Variants in SMAP1 observed in about 807,000 individuals in gnomAD.
SMAP1 encodes the protein small ArfGAP 1, also known as stromal membrane-associated protein 1.
SMAP1 carries 24 observed loss-of-function variants against 58.5 expected under a neutral mutation model. The observed-to-expected ratio is 0.41, with a 90% CI of 0.30 to 0.58. SMAP1 has a LOEUF of 0.58. SMAP1 is among the 20% of genes least tolerant of loss of function. The probability of loss-of-function intolerance (pLI) is 0.29; values close to 1 mark genes in which losing one functional copy is unlikely to be tolerated. For missense variants in SMAP1, 563 were observed against 566.3 expected, an observed-to-expected ratio of 0.99 and a Z score of 0.06; for synonymous variants, 216 against 196.6, an observed-to-expected ratio of 1.10 and a Z score of -0.82.
At chr6:70,784,653 C>T (rs1384658457) in intron 4 of SMAP1, among the ~76,000 whole-genome samples, 1 of 152,086 alleles carries the variant, frequency 6.6e-6, no homozygotes, top group African/African-American at 2.4e-5. Flanking sequence ...GGTTGCAATC[C>T]CAGTCTCTGA....
intron 1 of SMAP1, among the ~76,000 whole-genome samples, chr6:70,695,358 C>T (rs1179966968): frequency 6.6e-6 from 1 of 152,088 alleles, no homozygotes; most frequent in Non-Finnish European, 1.5e-5. Flanking sequence ...TTGTCTTGTT[C>T]CAGGTCTTTG....
chr6:70,740,785 C>T (rs1003941450), intron 2 of SMAP1, among the ~76,000 whole-genome samples: 1 of 152,090 alleles, frequency 6.6e-6, no homozygotes. Context: ...TAAAGACATA[C>T]CTGAGACTGG....
chr6:70,706,184 T>C (rs1582034411), intron 1 of SMAP1, among the ~76,000 whole-genome samples: 1 of 152,230 alleles, frequency 6.6e-6, no homozygotes, highest in East Asian at 1.9e-4. Flanking sequence ...GACAACGAAG[T>C]TGGTGGATCC....
intron 1 of SMAP1, among the ~76,000 whole-genome samples, chr6:70,708,790 T>G (rs1767942223): frequency 6.6e-6 from 1 of 152,208 alleles, no homozygotes; most frequent in Non-Finnish European, 1.5e-5. Flanking sequence ...TTCAGGTCCT[T>G]TGCCCGTTTT....
At chr6:70,814,445 C>T (rs188926976) in intron 6 of SMAP1, among the ~76,000 whole-genome samples, 1 of 152,160 alleles carries the variant, frequency 6.6e-6, no homozygotes, top group Non-Finnish European at 1.5e-5. Context: ...ACTATGCAGC[C>T]CTGGTTTTTT....
intron 6 of SMAP1, among the ~76,000 whole-genome samples, chr6:70,805,978 G>A (rs966406369): frequency 6.6e-6 from 1 of 152,236 alleles, no homozygotes; most frequent in Non-Finnish European, 1.5e-5. Flanking sequence ...CCCACTTGAG[G>A]AGGCAAGTGT....
At chr6:70,800,110 G>A (rs745359048) in intron 6 of SMAP1, among the ~76,000 whole-genome samples, 5 of 151,772 alleles carry the variant, frequency 3.3e-5, no homozygotes, top group Non-Finnish European at 5.9e-5. Context: ...AATAAGGCAC[G>A]TGTTTTTTAA....
At chr6:70,808,281 C>G (rs1325689644) in intron 6 of SMAP1, among the ~76,000 whole-genome samples, 5 of 152,268 alleles carry the variant, frequency 3.3e-5, no homozygotes, top group African/African-American at 7.2e-5. Context: ...GTTAAGAAAT[C>G]TGTAATGTAG....
At chr6:70,766,177 G>C (rs1381075478) in intron 3 of SMAP1, among the ~76,000 whole-genome samples, 2 of 152,034 alleles carry the variant, frequency 1.3e-5, no homozygotes, top group African/African-American at 4.8e-5. Flanking sequence ...CCAAGTCTTT[G>C]CTATTGTGAA....
At chr6:70,706,592 T>C (rs1205408123) in intron 1 of SMAP1, among the ~76,000 whole-genome samples, 2 of 152,214 alleles carry the variant, frequency 1.3e-5, no homozygotes, top group African/African-American at 4.8e-5. Flanking sequence ...TTCTCTCTGC[T>C]TTTCTGTACA....
chr6:70,726,590 C>G (rs1424273789), intron 1 of SMAP1, among the ~76,000 whole-genome samples: 1 of 152,126 alleles, frequency 6.6e-6, no homozygotes, highest in Non-Finnish European at 1.5e-5. Context: ...TTCTGTTTTG[C>G]TAGTTCATCA....
At chr6:70,832,061 T>C (rs1278192409) in intron 6 of SMAP1, among the ~76,000 whole-genome samples, 1 of 152,236 alleles carries the variant, frequency 6.6e-6, no homozygotes, top group African/African-American at 2.4e-5. Context: ...GCTACGTGTA[T>C]GTTTTCTTTT....
At chr6:70,717,205 G>A (rs1215157388) in intron 1 of SMAP1, among the ~76,000 whole-genome samples, 1 of 152,092 alleles carries the variant, frequency 6.6e-6, no homozygotes, top group Non-Finnish European at 1.5e-5. Context: ...CTATCTTTAG[G>A]GAGAAGCTGA....
intron 3 of SMAP1, among the ~76,000 whole-genome samples, chr6:70,770,372 A>C (rs1767223416): frequency 6.6e-6 from 1 of 152,176 alleles, no homozygotes; most frequent in South Asian, 2.1e-4. Context: ...TCTCCCCGTC[A>C]CTTTCAGGTA....
intron 2 of SMAP1, among the ~76,000 whole-genome samples, chr6:70,741,232 C>A (rs1765802418): frequency 6.6e-6 from 1 of 152,172 alleles, no homozygotes; most frequent in Non-Finnish European, 1.5e-5. Flanking sequence ...AAAGTCTCAT[C>A]CAAGACAAGG....
intron 1 of SMAP1, among the ~76,000 whole-genome samples, chr6:70,669,593 G>C: frequency 6.6e-6 from 1 of 152,158 alleles, no homozygotes; most frequent in Non-Finnish European, 1.5e-5. Flanking sequence ...GTGGTTATTT[G>C]GGAGTTCTGC....
chr6:70,825,750 A>G (rs1349927041), intron 6 of SMAP1, among the ~76,000 whole-genome samples: 1 of 152,222 alleles, frequency 6.6e-6, no homozygotes, highest in Non-Finnish European at 1.5e-5. Context: ...TAAGAGTGAA[A>G]GCAGGCACTA....
intron 8 of SMAP1, among the ~76,000 whole-genome samples, chr6:70,855,294 G>A (rs1367025748): frequency 2.0e-5 from 3 of 152,270 alleles, no homozygotes; most frequent in Non-Finnish European, 4.4e-5. Context: ...GCACCAGAAA[G>A]TAAGTGGACA....
intron 5 of SMAP1, among the ~76,000 whole-genome samples, chr6:70,794,726 C>G (rs1042972477): frequency 6.6e-6 from 1 of 151,732 alleles, no homozygotes; most frequent in Non-Finnish European, 1.5e-5. Flanking sequence ...AGAAAGGACA[C>G]GAACTCTTCC....
Sources: gnomAD v4.1 joint callset for allele counts (sites outside exome capture counted in the v4.1 genomes callset) on GRCh38, gnomAD v4.1.1 for gene constraint, MANE v1.5 for transcripts, NCBI Gene and HGNC (gene_info 2026-07-23, HGNC 2026-07-21) for gene names.